The following XPO6 variants were observed in gnomAD, a reference collection of about 807,000 sequenced individuals.
XPO6 encodes the protein exportin-6.
In XPO6, 3 loss-of-function variants were observed where a neutral mutation model predicts 130.0. The observed-to-expected ratio is 0.02, with a 90% CI of 0.01 to 0.06. The LOEUF (loss-of-function observed/expected upper bound fraction) is 0.06. Among genes scored for constraint, XPO6 ranks in the 10% least tolerant of loss-of-function variants. XPO6 has a pLI of 1.00. For missense variants in XPO6, 970 were observed against 1,393.0 expected (o/e 0.70, Z 4.83); for synonymous variants, 524 against 548.9 (o/e 0.95, Z 0.63).
intron 1 of XPO6, among the ~76,000 whole-genome samples, chr16:28,199,139 T>C (rs1269802938): frequency 6.6e-6 from 1 of 152,110 alleles, no homozygotes; most frequent in Non-Finnish European, 1.5e-5. Context: ...AAACTCCGTC[T>C]CAAAAAAATG....
intron 1 of XPO6, chr16:28,209,187 G>A (rs141601049): frequency 5.6e-4 from 86 of 152,224 alleles, no homozygotes; most frequent in African/African-American, 1.8e-3. Flanking sequence ...GAAAAAAGAC[G>A]GGTACAGGTT....
chr16:28,153,903 G>A, intron 7 of XPO6: 2 of 985,364 alleles, frequency 2.0e-6, no homozygotes, highest in Non-Finnish European at 1.2e-6. Context: ...TGTTGCTCCT[G>A]GGACCTATCT....
intron 6 of XPO6, among the ~76,000 whole-genome samples, chr16:28,164,126 T>TG (rs1337742253): frequency 1.3e-5 from 2 of 152,230 alleles, no homozygotes; most frequent in East Asian, 3.9e-4. Flanking sequence ...AGAAAGTATA[T>TG]GGGGAAAAAA....
intron 21 of XPO6, among the ~76,000 whole-genome samples, chr16:28,103,655 A>G (rs1343466228): frequency 1.3e-5 from 2 of 152,182 alleles, no homozygotes; most frequent in African/African-American, 4.8e-5. Context: ...GACAGGGTTC[A>G]AGAGAAAGGC....
intron 1 of XPO6, among the ~76,000 whole-genome samples, chr16:28,184,175 T>C (rs1275430079): frequency 1.3e-5 from 2 of 152,222 alleles, no homozygotes; most frequent in African/African-American, 4.8e-5. Context: ...CATCGTGTGG[T>C]AGGGAGACAA....
At chr16:28,189,031 T>C (rs2043742416) in intron 1 of XPO6, among the ~76,000 whole-genome samples, 1 of 151,916 alleles carries the variant, frequency 6.6e-6, no homozygotes, top group African/African-American at 2.4e-5. Flanking sequence ...GCACAAACTC[T>C]ATCTCCCGGG....
At chr16:28,197,145 G>A (rs1262711614) in intron 1 of XPO6, among the ~76,000 whole-genome samples, 2 of 151,984 alleles carry the variant, frequency 1.3e-5, no homozygotes, top group African/African-American at 2.4e-5. Flanking sequence ...CCAGCTACTC[G>A]GGAGGCTGAG....
chr16:28,153,581 TAA>T, intron 7 of XPO6: 1 of 985,370 alleles, frequency 1.0e-6, no homozygotes, highest in Non-Finnish European at 1.2e-6. Flanking sequence ...GCTGCAAGGA[TAA>T]GAGATCTCTG....
chr16:28,196,370 C>A (rs552298129), intron 1 of XPO6, among the ~76,000 whole-genome samples: 1 of 151,980 alleles, frequency 6.6e-6, no homozygotes, highest in East Asian at 1.9e-4. Context: ...TAAGCAAATT[C>A]ATGAGACAGG....
intron 7 of XPO6, chr16:28,154,303 T>C (rs1047397976): frequency 2.1e-6 from 2 of 931,142 alleles, no homozygotes; most frequent in South Asian, 1.1e-4. Context: ...TACAGAACAA[T>C]CTCAATTTTA....
chr16:28,194,822 T>C (rs1270866859), intron 1 of XPO6, among the ~76,000 whole-genome samples: 1 of 151,912 alleles, frequency 6.6e-6, no homozygotes, highest in Non-Finnish European at 1.5e-5. Flanking sequence ...TTAAACCATT[T>C]CATCACCTGG....
chr16:28,168,066 T>G (rs1041659830), intron 5 of XPO6, among the ~76,000 whole-genome samples: 1 of 152,224 alleles, frequency 6.6e-6, no homozygotes, highest in African/African-American at 2.4e-5. Context: ...AATATTGCAC[T>G]TTAAAATGGT....
chr16:28,211,173 T>C (rs1030915439), intron 1 of XPO6, among the ~76,000 whole-genome samples, 193 bp downstream of exon 1: 1 of 152,198 alleles, frequency 6.6e-6, no homozygotes, highest in African/African-American at 2.4e-5. Context: ...CTCCCAGGCC[T>C]GAGCCATCAT....
Position 28,104,598 on chromosome 16 carries a change from C to G in XPO6, c.2894G>C (p.Gly965Ala). 6.2e-7 allele frequency: 1 copy of G among 1,614,208 alleles called. No homozygotes were observed. Among genetic ancestry groups the G allele is most frequent in the Non-Finnish European group, 8.5e-7 (1 of 1,180,048 alleles). ...KSTVLASVQR[G>A]IAEEQMENEP... ...ATTCTCCATCTGCTCCTCAGCGATC[C>G]CCCTCTGGACACTGGCCAGCACGGT... Residue 965 changes from glycine (G) to alanine (A), a missense_variant, in exon 21 of 24, where the codon GGG becomes GCG. Physicochemically the swap from Gly to Ala is moderately conservative, Grantham distance 60 (BLOSUM62 0). This residue lies in a region of XPO6 where 936 missense variants were observed against 1,306.8 expected (regional missense o/e 0.72). Transcript: ENST00000304658.
intron 15 of XPO6, among the ~76,000 whole-genome samples, chr16:28,116,797 A>C (rs1229046538): frequency 6.6e-6 from 1 of 152,226 alleles, no homozygotes; most frequent in Non-Finnish European, 1.5e-5. Flanking sequence ...AAATCGCTGT[A>C]AGATATAGTA....
At chr16:28,205,362 T>A (rs1313656611) in intron 1 of XPO6, among the ~76,000 whole-genome samples, 1 of 152,192 alleles carries the variant, frequency 6.6e-6, no homozygotes, top group Non-Finnish European at 1.5e-5. Flanking sequence ...TTTGTAACTG[T>A]CTGCAAGAAA....
At chr16:28,124,337 C>T (rs1046996198) in intron 13 of XPO6, among the ~76,000 whole-genome samples, 2 of 152,178 alleles carry the variant, frequency 1.3e-5, no homozygotes, top group Admixed American at 6.5e-5. Context: ...GGATTACGGG[C>T]GTGAGCCACT....
At chr16:28,171,923 C>G (rs928991005) in intron 4 of XPO6, among the ~76,000 whole-genome samples, 3 of 152,054 alleles carry the variant, frequency 2.0e-5, no homozygotes, top group African/African-American at 7.2e-5. Flanking sequence ...TTCTCCTCTA[C>G]CTCTTTTGTC....
intron 17 of XPO6, among the ~76,000 whole-genome samples, chr16:28,109,141 A>AC (rs909292661): frequency 6.6e-6 from 1 of 152,130 alleles, no homozygotes; most frequent in African/African-American, 2.4e-5. Context: ...GACCTCTGGC[A>AC]TTTAAGGAAA....
Sources: allele counts gnomAD v4.1 joint callset (sites outside exome capture counted in the v4.1 genomes callset), GRCh38; gene constraint gnomAD v4.1.1; regional missense constraint gnomAD v4.1.1; transcripts MANE v1.5; gene names NCBI Gene and HGNC (gene_info 2026-07-23, HGNC 2026-07-21).